The following SRCIN1 variants were observed in gnomAD, a reference collection of about 807,000 sequenced individuals.
The protein encoded by SRCIN1 is SRC kinase signaling inhibitor 1.
A neutral mutation model predicts 116.2 loss-of-function variants in SRCIN1; 50 were observed. The observed-to-expected ratio is 0.43, with a 90% CI of 0.34 to 0.54. The LOEUF is 0.54. SRCIN1 is among the 20% of genes least tolerant of loss of function. The pLI, the probability that SRCIN1 is intolerant of heterozygous loss-of-function variation, is 0.02. For synonymous variants in SRCIN1, 736 were observed against 750.0 expected (o/e 0.98, Z 0.30); for missense variants, 1,446 against 1,672.0 (o/e 0.86, Z 2.36).
chr17:38,590,550 T>C (rs564536110), intron 1 of SRCIN1, among the ~76,000 whole-genome samples: 2 of 152,338 alleles, frequency 1.3e-5, no homozygotes, highest in Admixed American at 1.3e-4. Context: ...TAACCACCCT[T>C]GAACACCCAC....
At chr17:38,547,379 T>G (rs911038502) in intron 17 of SRCIN1, among the ~76,000 whole-genome samples, 1 of 152,110 alleles carries the variant, frequency 6.6e-6, no homozygotes, top group Non-Finnish European at 1.5e-5. Flanking sequence ...AAAGTCATCT[T>G]GTGAGCAAGA....
At chr17:38,547,318 G>C (rs1196856888) in intron 17 of SRCIN1, among the ~76,000 whole-genome samples, 1 of 152,178 alleles carries the variant, frequency 6.6e-6, no homozygotes, top group Admixed American at 6.5e-5. Context: ...CGAAGATGGA[G>C]GTGGGGGCTA....
At chr17:38,551,721 G>A (rs933745856) in intron 14 of SRCIN1, 165 bp downstream of exon 14, 4 of 1,095,374 alleles carry the variant, frequency 3.7e-6, no homozygotes, top group East Asian at 5.0e-5. Context: ...GTCTAGGAGG[G>A]CTAATGTCAC....
chr17:38,558,395 T>C lies in SRCIN1; in HGVS notation c.2033A>G (p.Asn678Ser), dbSNP rs753803410. 1 of 1,599,780 alleles carries C rather than the reference T, an allele frequency of 6.3e-7. No homozygotes were observed. The highest frequency in any genetic ancestry group is 8.5e-7 in the Non-Finnish European group (1 of 1,177,664). Residue 678 changes from asparagine (N) to serine (S), a missense_variant, in exon 11 of 19, where the codon AAC becomes AGC. Transcript: ENST00000617146. This position sits in a 1 kb window ranked among gnomAD's most constrained non-coding sequence, Gnocchi z 4.6. ...LQQLRKLQLQ[N>S]QESVRALLKR... ...CAGCAGCGCGCGCACCGACTCCTGG[T>C]TCTGTAGCTGCGGGACGCACGGACG...
chr17:38,532,935 G>T lies in SRCIN1; in HGVS notation c.*362C>A. 1 of 170,006 alleles carries T rather than the reference G, an allele frequency of 5.9e-6. No individual in the cohort carries two copies. The allele number at this position is 170,006 out of a possible 1,614,324, so 10.5% of individuals were successfully genotyped here. On this transcript the variant is annotated 3_prime_UTR_variant, in exon 19 of 19. Coordinates refer to ENST00000617146, the MANE Select transcript of SRCIN1 (RefSeq NM_025248.3). This position sits in a 1 kb window ranked among gnomAD's most constrained non-coding sequence, Gnocchi z 4.3. The stretch of plus-strand genomic sequence containing the variant: ...GGAAGTGAGGGGAAGGCGGGAAGGG[G>T]GTGCAGGAGCTTCAGGATGGACTGG...
chr17:38,577,073 C>T (rs968697191), intron 2 of SRCIN1, among the ~76,000 whole-genome samples: 74 of 152,222 alleles, frequency 4.9e-4, no homozygotes, highest in Non-Finnish European at 1.8e-4. Context: ...CATACACCCC[C>T]ACCACTCCTA....
At chr17:38,580,497 A>C (rs1907728448) in intron 1 of SRCIN1, among the ~76,000 whole-genome samples, 1 of 152,194 alleles carries the variant, frequency 6.6e-6, no homozygotes, top group Admixed American at 6.5e-5. Flanking sequence ...GGGTGTTATC[A>C]TGGTCCCCAT....
At position 38,562,373 on chromosome 17, in the gene SRCIN1, G is replaced by A. The variant is rs1156723483; in HGVS notation, c.835-45C>T. On this transcript the variant is annotated intron_variant, in intron 6 of 18. Coordinates refer to ENST00000617146, the MANE Select transcript of SRCIN1 (RefSeq NM_025248.3). This position sits in a 1 kb window ranked among gnomAD's most constrained non-coding sequence, Gnocchi z 4.2. ...GAACCCCACGGGGCTGGTCACCAAG[G>A]ACACCCCTGTCCCTTGCTTGAGGAG... 2.1e-6 allele frequency: 3 copies of A among 1,404,888 alleles called. No homozygotes were observed. The highest frequency in any genetic ancestry group is 1.5e-5 in the South Asian group (1 of 64,994). The allele number at this position is 1,404,888 out of a possible 1,614,324, so 87.0% of individuals were successfully genotyped here.
chr17:38,558,404 T>A lies in SRCIN1; in HGVS notation c.2026-2A>T. 6.3e-7 allele frequency: 1 copy of A among 1,594,512 alleles called. No individual in the cohort carries two copies. Among genetic ancestry groups the A allele is most frequent in the Non-Finnish European group, 8.5e-7 (1 of 1,175,516 alleles). ...GCGCACCGACTCCTGGTTCTGTAGCTGCGGGACGCACGGACGGATGGACCC... is the reference window on the plus strand; with the variant it reads ...GCGCACCGACTCCTGGTTCTGTAGCAGCGGGACGCACGGACGGATGGACCC... On this transcript the variant is annotated splice_acceptor_variant, in intron 10 of 18. Transcript: ENST00000617146. LOFTEE classifies it high-confidence loss of function. The surrounding 1 kb of genome is among the most constrained non-coding windows in gnomAD (Gnocchi z 4.6).
At chr17:38,543,757 C>T in intron 18 of SRCIN1, 66 bp downstream of exon 18, 1 of 1,564,598 alleles carries the variant, frequency 6.4e-7, no homozygotes, top group Non-Finnish European at 8.6e-7. Flanking sequence ...AGGAGATGCC[C>T]AGTGGGGCAG....
intron 1 of SRCIN1, among the ~76,000 whole-genome samples, chr17:38,600,657 AGGCCCTGG>A (rs1908968317): frequency 6.6e-6 from 1 of 152,220 alleles, no homozygotes; most frequent in Non-Finnish European, 1.5e-5. Context: ...GAGGGCTAGC[AGGCCCTGG>A]AGGGTGCACA....
At chr17:38,593,688 G>A (rs145361478) in intron 1 of SRCIN1, among the ~76,000 whole-genome samples, 236 of 152,264 alleles carry the variant, frequency 1.5e-3, no homozygotes, top group African/African-American at 5.4e-3. Context: ...GGCCATCAGT[G>A]TTTTCATTAT....
chr17:38,556,567 G>A (rs1037046900), intron 11 of SRCIN1, among the ~76,000 whole-genome samples: 1 of 150,242 alleles, frequency 6.7e-6, no homozygotes, highest in East Asian at 1.9e-4. Context: ...GCCAGAGTGT[G>A]GGGCAGGGGG....
At position 38,558,339 on chromosome 17, in the gene SRCIN1, C is replaced by T. The variant is rs771787909; in HGVS notation, c.2089G>A (p.Val697Met). ...TCCTGCCGCCGCGCCGCCTCCGACA[C>T]GCGCATGCTCAGCTCTGCCTCCGTG... ...KRTEAELSMR[V>M]SEAARRQEDP... The change falls in exon 11 of 19, where the codon GTG (valine) becomes ATG (methionine). Residue 697 changes from valine to methionine, a missense_variant. Around this residue, in one of 5 missense-constraint regions of SRCIN1, gnomAD observed 398 missense variants for 385.6 expected, o/e 1.03. Transcript: ENST00000617146. The surrounding 1 kb of genome is among the most constrained non-coding windows in gnomAD (Gnocchi z 4.6). The T allele has an allele frequency of 7.5e-6, 12 of 1,609,544 alleles. No individual in the cohort carries two copies. Among genetic ancestry groups the T allele is most frequent in the Middle Eastern group, 1.7e-4 (1 of 6,058 alleles).
intron 1 of SRCIN1, among the ~76,000 whole-genome samples, chr17:38,600,371 T>G (rs1908954820): frequency 6.6e-6 from 1 of 152,164 alleles, no homozygotes; most frequent in Non-Finnish European, 1.5e-5. Context: ...CGGGCAGGAC[T>G]AGGGTGGCAG....
intron 18 of SRCIN1, among the ~76,000 whole-genome samples, chr17:38,540,178 G>A (rs888652269): frequency 1.1e-4 from 17 of 152,086 alleles, no homozygotes; most frequent in Admixed American, 3.3e-4. Context: ...CCTGGCTCCC[G>A]TCCCTCCCTG....
chr17:38,566,246 C>T (rs1906674429), intron 3 of SRCIN1, among the ~76,000 whole-genome samples: 1 of 152,092 alleles, frequency 6.6e-6, no homozygotes, highest in Non-Finnish European at 1.5e-5. Flanking sequence ...CTGGGGGTTG[C>T]TGCCTGCCAA....
Position 38,563,232 on chromosome 17 carries a change from G to A in SRCIN1, c.740+91C>T. 1.4e-6 allele frequency: 2 copies of A among 1,445,864 alleles called. No individual in the cohort carries two copies. Among genetic ancestry groups the A allele is most frequent in the Admixed American group, 4.2e-5 (2 of 47,600 alleles). The allele number at this position is 1,445,864 out of a possible 1,614,324, so 89.6% of individuals were successfully genotyped here. ...AGGGGAAAGGCTGAGGTCGGGTCAG[G>A]AAGGAGCTGGGGAAGGGCCGGCGGG... On this transcript the variant is annotated intron_variant, in intron 5 of 18. Coordinates refer to ENST00000617146, the MANE Select transcript of SRCIN1 (RefSeq NM_025248.3). This position sits in a 1 kb window ranked among gnomAD's most constrained non-coding sequence, Gnocchi z 5.8.
At position 38,563,531 on chromosome 17, in the gene SRCIN1, A is replaced by C; in HGVS notation, c.542-10T>G. On this transcript the variant is annotated splice_polypyrimidine_tract_variant and intron_variant, in intron 4 of 18. Transcript: ENST00000617146. The surrounding 1 kb of genome is among the most constrained non-coding windows in gnomAD (Gnocchi z 5.8). ...TGCAGGAACAGCACCCCTGCGAAGG[A>C]GACGCCGCCCTCGCTGTCACTGCTG... The C allele has an allele frequency of 6.5e-7, 1 of 1,546,618 alleles. No homozygotes were observed. The highest frequency in any genetic ancestry group is 8.7e-7 in the Non-Finnish European group (1 of 1,147,016).
Sources: allele counts gnomAD v4.1 joint callset (sites outside exome capture counted in the v4.1 genomes callset), GRCh38; gene constraint gnomAD v4.1.1; regional missense constraint gnomAD v4.1.1; non-coding constraint Gnocchi (gnomAD v3.1); transcripts MANE v1.5; gene names NCBI Gene and HGNC (gene_info 2026-07-23, HGNC 2026-07-21).